Variants in SEMA6D observed in about 807,000 individuals in gnomAD.
The protein encoded by SEMA6D is semaphorin 6D.
In SEMA6D, 35 loss-of-function variants were observed where a neutral mutation model predicts 106.6. That is an observed-to-expected ratio of 0.33 (90% confidence interval 0.25 to 0.44). The LOEUF (loss-of-function observed/expected upper bound fraction) is 0.44. SEMA6D is among the 20% of genes least tolerant of loss of function. SEMA6D has a pLI of 1.00. For missense variants in SEMA6D, 1,185 were observed against 1,345.9 expected (o/e 0.88, Z 1.87); for synonymous variants, 499 against 487.7 (o/e 1.02, Z -0.31).
intron 3 of SEMA6D, among the ~76,000 whole-genome samples, chr15:47,503,435 A>G (rs1015882555): frequency 4.6e-5 from 7 of 152,176 alleles, no homozygotes; most frequent in African/African-American, 1.7e-4. Flanking sequence ...AGGCTGGTGT[A>G]TTCCGACTGA....
At chr15:47,629,208 G>A (rs2077253503) in intron 4 of SEMA6D, among the ~76,000 whole-genome samples, 1 of 151,990 alleles carries the variant, frequency 6.6e-6, no homozygotes, top group Non-Finnish European at 1.5e-5. Context: ...TGGAGATGGT[G>A]ACTCTTTCCA....
intron 1 of SEMA6D, among the ~76,000 whole-genome samples, chr15:47,342,802 C>T (rs2037875897): frequency 6.6e-6 from 1 of 152,146 alleles, no homozygotes; most frequent in Admixed American, 6.5e-5. Flanking sequence ...CATCTGCCTC[C>T]CAGGTTCAAG....
chr15:47,458,997 G>A (rs944590668), intron 2 of SEMA6D, among the ~76,000 whole-genome samples: 16 of 152,118 alleles, frequency 1.1e-4, no homozygotes, highest in African/African-American at 3.4e-4. Context: ...ACCCTTGAGC[G>A]TGAATGGGAC....
chr15:47,541,183 A>T (rs944614190), intron 3 of SEMA6D, among the ~76,000 whole-genome samples: 2 of 152,148 alleles, frequency 1.3e-5, no homozygotes, highest in Non-Finnish European at 2.9e-5. Context: ...GAACATTGCA[A>T]ATAAGAAATA....
chr15:47,224,412 A>C (rs528670306), intron 1 of SEMA6D, among the ~76,000 whole-genome samples: 28 of 152,150 alleles, frequency 1.8e-4, no homozygotes, highest in African/African-American at 6.5e-4. Context: ...GCCAGGCACT[A>C]TGCTAAGTAC....
At chr15:47,213,709 A>G (rs1190480346) in intron 1 of SEMA6D, among the ~76,000 whole-genome samples, 2 of 152,088 alleles carry the variant, frequency 1.3e-5, no homozygotes, top group East Asian at 1.9e-4. Context: ...TGTGCCTGAC[A>G]TTGTTTGGTG....
chr15:47,417,168 A>G (rs1043241109), intron 2 of SEMA6D, among the ~76,000 whole-genome samples: 3 of 152,092 alleles, frequency 2.0e-5, no homozygotes, highest in Non-Finnish European at 4.4e-5. Context: ...TTAAATATCT[A>G]AAGATACATT....
At chr15:47,767,172 T>G (rs958631314) in intron 17 of SEMA6D, 79 bp downstream of exon 17, 2 of 896,648 alleles carry the variant, frequency 2.2e-6, no homozygotes, top group Non-Finnish European at 3.5e-6. Flanking sequence ...TCTCCCCTCC[T>G]TTTGCGCAGT....
chr15:47,678,435 G>T (rs1398320211), intron 4 of SEMA6D, among the ~76,000 whole-genome samples: 2 of 151,930 alleles, frequency 1.3e-5, no homozygotes, highest in African/African-American at 2.4e-5. Context: ...ACAATATTTT[G>T]TTATGGATAT....
chr15:47,756,027 C>T (rs889822833), intron 1 of SEMA6D, among the ~76,000 whole-genome samples: 15 of 152,012 alleles, frequency 9.9e-5, no homozygotes, highest in South Asian at 2.1e-4. Flanking sequence ...CCATTAAGAG[C>T]TTTCCTCATC....
intron 3 of SEMA6D, among the ~76,000 whole-genome samples, chr15:47,535,471 C>T (rs2045131008): frequency 6.6e-6 from 1 of 152,006 alleles, no homozygotes; most frequent in African/African-American, 2.4e-5. Context: ...AGGCCTTGAC[C>T]CTAAAATGGG....
intron 1 of SEMA6D, among the ~76,000 whole-genome samples, chr15:47,371,025 G>A (rs2039254399): frequency 6.6e-6 from 1 of 152,178 alleles, no homozygotes; most frequent in South Asian, 2.1e-4. Context: ...CCTAGATGCT[G>A]GGCATGACCT....
At chr15:47,385,065 T>TTA (rs35758807) in intron 1 of SEMA6D, among the ~76,000 whole-genome samples, 18 of 137,232 alleles carry the variant, frequency 1.3e-4, no homozygotes, top group African/African-American at 4.1e-4. Flanking sequence ...TTTTTTTTTT[T>TTA]ACCATAGAAC....
chr15:47,524,009 A>G (rs1459499998), intron 3 of SEMA6D, among the ~76,000 whole-genome samples: 2 of 152,198 alleles, frequency 1.3e-5, no homozygotes, highest in African/African-American at 4.8e-5. Context: ...GCAGAATACA[A>G]ATATGCCTGC....
intron 1 of SEMA6D, among the ~76,000 whole-genome samples, chr15:47,195,485 A>C (rs1448269724): frequency 6.6e-6 from 1 of 152,164 alleles, no homozygotes; most frequent in East Asian, 1.9e-4. Context: ...ATTATAAGAT[A>C]GGTATTAATA....
chr15:47,427,637 G>A (rs919441088), intron 2 of SEMA6D, among the ~76,000 whole-genome samples: 1 of 152,128 alleles, frequency 6.6e-6, no homozygotes, highest in Non-Finnish European at 1.5e-5. Context: ...TGACCTTGGG[G>A]ATACCATTTA....
intron 3 of SEMA6D, among the ~76,000 whole-genome samples, chr15:47,596,795 G>C (rs1219849029): frequency 1.3e-5 from 2 of 151,972 alleles, no homozygotes; most frequent in African/African-American, 4.8e-5. Flanking sequence ...TGGGTTAAGG[G>C]CTCAAATGTA....
At chr15:47,579,585 A>G (rs1280855619) in intron 3 of SEMA6D, among the ~76,000 whole-genome samples, 2 of 152,180 alleles carry the variant, frequency 1.3e-5, no homozygotes, top group Non-Finnish European at 2.9e-5. Flanking sequence ...TCATAAAACC[A>G]TATGCATCAT....
intron 1 of SEMA6D, among the ~76,000 whole-genome samples, chr15:47,206,199 G>A (rs751224995): frequency 2.0e-5 from 3 of 152,126 alleles, no homozygotes; most frequent in Non-Finnish European, 2.9e-5. Flanking sequence ...TTCATATATA[G>A]TTCCTTTTAC....
Sources: allele counts gnomAD v4.1 joint callset (sites outside exome capture counted in the v4.1 genomes callset), GRCh38; gene constraint gnomAD v4.1.1; transcripts MANE v1.5; gene names NCBI Gene and HGNC (gene_info 2026-07-23, HGNC 2026-07-21).